Variants in NID2 observed in about 807,000 individuals in gnomAD.
NID2 encodes nidogen 2.
Under a neutral mutation model 145.4 loss-of-function variants are expected in NID2, and 83 were observed. That is an observed-to-expected ratio of 0.57 (90% CI 0.48 to 0.69). The LOEUF (loss-of-function observed/expected upper bound fraction) is 0.69, where lower values mean the gene tolerates loss of function less well. Among genes scored for constraint, NID2 ranks in the 30% least tolerant of loss-of-function variants. NID2 has a pLI of 0.00. For synonymous variants in NID2, 739 were observed against 701.3 expected, an observed-to-expected ratio of 1.05 and a Z score of -0.85; for missense variants, 1,807 against 1,765.7, an observed-to-expected ratio of 1.02 and a Z score of -0.42.
rs55972168 is a variant in NID2 at position 52,044,266 on chromosome 14, CTTTTT to C, written c.1430-1340_1430-1336del. On this transcript the variant is annotated intron_variant, in intron 5 of 21. Coordinates refer to ENST00000216286, the MANE Select transcript of NID2 (RefSeq NM_007361.4). ...ATATACAAGCTTTACATTTAACAACCTTTTTTTTTTTTTTTTTTTTTGAAACGGAG... is the reference window on the plus strand; with the variant it reads ...ATATACAAGCTTTACATTTAACAACCTTTTTTTTTTTTTTTTGAAACGGAG... 2.0e-3 allele frequency among the ~76,000 whole-genome samples: 226 copies of C among 113,936 alleles called. 1 individual carries two copies. The highest frequency in any genetic ancestry group is 6.5e-3 in the African/African-American group (187 of 28,780). 74.7% of individuals were successfully genotyped at this position (113,936 alleles called of 152,430 possible).
chr14:52,046,599 A>C (rs991064181), intron 5 of NID2, among the ~76,000 whole-genome samples: 5 of 152,220 alleles, frequency 3.3e-5, no homozygotes, highest in African/African-American at 4.8e-5. Flanking sequence ...AGGGCGATGC[A>C]GCCAGCAACT....
chr14:52,027,324 GGTTGGCAGGTGGGGT>G lies in NID2; in HGVS notation c.2536_2550del (p.Thr846_Asn850del). The G allele has an allele frequency of 6.3e-7, 1 of 1,579,426 alleles. No homozygotes were observed. Among genetic ancestry groups the G allele is most frequent in the Non-Finnish European group, 8.6e-7 (1 of 1,164,816 alleles). ...CAGGTATGACTGCCATCCTCACAGGGGTTGGCAGGTGGGGTGATCACTGAAAAGAGAAGAAGATAA... is the reference window on the plus strand; with the variant it reads ...CAGGTATGACTGCCATCCTCACAGGGGATCACTGAAAAGAGAAGAAGATAA... On this transcript the variant is annotated inframe_deletion, in exon 12 of 22. Transcript: ENST00000216286.
At position 52,007,977 on chromosome 14, in the gene NID2, A is replaced by G. The variant is rs1417239052; in HGVS notation, c.3723-10T>C. 2 of 1,591,796 alleles carry G rather than the reference A, an allele frequency of 1.3e-6. No individual in the cohort carries two copies. The highest frequency in any genetic ancestry group is 2.3e-5 in the South Asian group (2 of 87,350). On this transcript the variant is annotated splice_polypyrimidine_tract_variant and intron_variant, in intron 18 of 21. Coordinates refer to ENST00000216286, the MANE Select transcript of NID2 (RefSeq NM_007361.4). Reference sequence around the variant, plus strand: ...TGTCCAGTACAAGTTGCTGTAAGTTAAAAATCAAGATTGTAAAAGAATAGC... The same window carrying G: ...TGTCCAGTACAAGTTGCTGTAAGTTGAAAATCAAGATTGTAAAAGAATAGC...
intron 12 of NID2, among the ~76,000 whole-genome samples, chr14:52,020,881 T>G (rs532859281): frequency 9.6e-4 from 146 of 152,328 alleles, no homozygotes; most frequent in Middle Eastern, 6.8e-3. Context: ...CATAGCACCA[T>G]GAGGATTAAT....
chr14:52,015,822 C>G (rs1050382247), intron 14 of NID2, among the ~76,000 whole-genome samples: 1 of 152,160 alleles, frequency 6.6e-6, no homozygotes, highest in Non-Finnish European at 1.5e-5. Flanking sequence ...TACTGAAAGC[C>G]CAGCGCCACG....
intron 9 of NID2, among the ~76,000 whole-genome samples, chr14:52,031,710 C>T (rs1032921557): frequency 3.3e-5 from 5 of 152,198 alleles, no homozygotes; most frequent in Middle Eastern, 3.2e-3. Flanking sequence ...ACCACCTCCT[C>T]CTGGATTCTC....
chr14:52,029,747 C>T (rs1175461313), intron 9 of NID2, 57 bp from the exon 10 acceptor site: 24 of 1,515,368 alleles, frequency 1.6e-5, no homozygotes, highest in Admixed American at 8.7e-5. Flanking sequence ...GCAAATGTCA[C>T]GGAGATAGAG....
Position 52,038,767 on chromosome 14 carries a change from T to C in NID2, c.2237A>G (p.Asn746Ser). Residue 746 changes from asparagine (N) to serine (S), a missense_variant, in exon 9 of 22, where the codon AAT becomes AGT. Coordinates refer to ENST00000216286, the MANE Select transcript of NID2 (RefSeq NM_007361.4). ...EERVLRFAVT[N>S]QIGPVKEDSD... ...CTTACCTTTGACCGGGCCAATTTGA[T>C]TGGTCACAGCAAATCTAAGCACTCT... The C allele has an allele frequency of 6.3e-7, 1 of 1,580,022 alleles. No homozygotes were observed. Among genetic ancestry groups the C allele is most frequent in the Non-Finnish European group, 8.6e-7 (1 of 1,163,790 alleles).
chr14:52,015,211 A>C lies in NID2; in HGVS notation c.3093T>G (p.Gly1031=), dbSNP rs1316306902. The C allele has an allele frequency of 1.2e-6, 2 of 1,613,078 alleles. No homozygotes were observed. Among genetic ancestry groups the C allele is most frequent in the African/African-American group, 2.7e-5 (2 of 74,638 alleles). ...RWRENLLEHY[G]GTPRDDQYVP... is the part of the protein sequence containing the mutation. ...CGTACTGGTCATCCCGGGGGGTGCC[A>C]CCGTAGTGCTCCAGCAGGTTTTCCC... The change falls in exon 15 of 22, where the codon GGT becomes GGG. Residue 1031 remains glycine (G), a synonymous_variant. Transcript: ENST00000216286.
At chr14:52,043,979 G>A (rs772422244) in intron 5 of NID2, among the ~76,000 whole-genome samples, 1 of 152,126 alleles carries the variant, frequency 6.6e-6, no homozygotes, top group African/African-American at 2.4e-5. Context: ...TCTAGTGTGA[G>A]ACACGGATGC....
chr14:52,008,777 G>A (rs1432832879), intron 18 of NID2: 1 of 152,238 alleles, frequency 6.6e-6, no homozygotes, highest in East Asian at 1.9e-4. Flanking sequence ...TTGAAGAGAT[G>A]TGGACCAGGG....
chr14:52,026,841 G>A (rs1217631364), intron 12 of NID2, among the ~76,000 whole-genome samples: 3 of 152,202 alleles, frequency 2.0e-5, no homozygotes, highest in African/African-American at 7.2e-5. Flanking sequence ...ATCACTTAAA[G>A]CAGAAGAGCA....
intron 18 of NID2, chr14:52,010,347 TC>T (rs1410688437): frequency 6.6e-6 from 1 of 152,410 alleles, no homozygotes; most frequent in African/African-American, 2.4e-5. Flanking sequence ...AGTGAACAAA[TC>T]CTGTATGTCA....
chr14:52,045,277 C>T (rs1286699898), intron 5 of NID2, among the ~76,000 whole-genome samples: 1 of 152,164 alleles, frequency 6.6e-6, no homozygotes, highest in Non-Finnish European at 1.5e-5. Flanking sequence ...GCAGCAGCGG[C>T]ATTAGCTTTT....
Position 52,050,220 on chromosome 14 carries a change from C to A in NID2, c.1429+3359G>T, listed in dbSNP as rs148524097. Among the ~76,000 whole-genome samples the A allele has an allele frequency of 3.9e-3, 600 of 152,328 alleles. 1 individual carries two copies. Among genetic ancestry groups the A allele is most frequent in the Admixed American group, 6.3e-3 (96 of 15,300 alleles). On this transcript the variant is annotated intron_variant, in intron 5 of 21. Transcript: ENST00000216286. ...TTTCTACTCACAACACAGGCAGTCC[C>A]ATGGTCCCAGGCAGCTGAAGCCCTC...
Position 52,053,590 on chromosome 14 carries a change from G to T in NID2, c.1418C>A (p.Ser473Tyr). Reference protein sequence around the residue: ...YEVGLEDNIGSNTEVFTYNAA... With the variant: ...YEVGLEDNIGYNTEVFTYNAA... ...TCTAATGCACTCACCCTCGGTGTTG[G>T]AACCTATGTTGTCTTCCAGTCCCAC... The change falls in exon 5 of 22, where the codon TCC becomes TAC. Residue 473 changes from serine (S) to tyrosine (Y), a missense_variant. Physicochemically the swap from Ser to Tyr is moderately radical, Grantham distance 144 (BLOSUM62 -2). Transcript: ENST00000216286. The T allele has an allele frequency of 6.2e-7, 1 of 1,613,330 alleles. No individual in the cohort carries two copies. Among genetic ancestry groups the T allele is most frequent in the South Asian group, 1.1e-5 (1 of 90,934 alleles).
intron 5 of NID2, among the ~76,000 whole-genome samples, chr14:52,048,358 C>T (rs956669599): frequency 1.3e-4 from 20 of 152,296 alleles, no homozygotes; most frequent in African/African-American, 3.9e-4. Context: ...GCTATTTATC[C>T]AGGGCGAGAA....
In NID2 at chr14:52,047,611, AG is replaced by A. The variant is rs571710554; in HGVS notation, c.1430-4681del. On this transcript the variant is annotated intron_variant, in intron 5 of 21. Coordinates refer to ENST00000216286, the MANE Select transcript of NID2 (RefSeq NM_007361.4). ...GTAAGAAGTGCTGGTACAGGGGATA[AG>A]AAGGGCCCAGGTCTGGGATATTCTG... Among the ~76,000 whole-genome samples, 4 of 152,270 alleles carry A rather than the reference AG, an allele frequency of 2.6e-5. No individual in the cohort carries two copies. The South Asian group carries it at 8.3e-4, about 32-fold the overall frequency.
intron 2 of NID2, among the ~76,000 whole-genome samples, chr14:52,061,366 A>G (rs999979763): frequency 7.2e-5 from 11 of 152,158 alleles, no homozygotes; most frequent in African/African-American, 2.2e-4. Flanking sequence ...AACACCATTC[A>G]TTTATTCATT....
Sources: allele counts gnomAD v4.1 joint callset (sites outside exome capture counted in the v4.1 genomes callset), GRCh38; gene constraint gnomAD v4.1.1; transcripts MANE v1.5; gene names NCBI Gene and HGNC (gene_info 2026-07-23, HGNC 2026-07-21).